Variants in RTTN observed in about 807,000 individuals in gnomAD.
RTTN encodes rotatin.
A neutral mutation model predicts 269.2 loss-of-function variants in RTTN; 182 were observed. The observed-to-expected ratio is 0.68, with a 90% CI of 0.60 to 0.76. RTTN has a LOEUF of 0.76. Among genes scored for constraint, RTTN ranks in the 30% least tolerant of loss-of-function variants. RTTN has a pLI of 0.00. For synonymous variants in RTTN, 1,006 were observed against 963.5 expected, an observed-to-expected ratio of 1.04 and a Z score of -0.82; for missense variants, 2,545 against 2,608.6, an observed-to-expected ratio of 0.98 and a Z score of 0.53.
chr18:70,178,749 A>AT (rs1178578939), intron 10 of RTTN, among the ~76,000 whole-genome samples: 3 of 152,150 alleles, frequency 2.0e-5, no homozygotes, highest in African/African-American at 7.2e-5. Flanking sequence ...TAAAAGTTCA[A>AT]TGAGTAGTAG....
rs114076061 is a variant in RTTN, at chr18:70,167,259, C to G, written c.1690-228G>C. Among the ~76,000 whole-genome samples the G allele has an allele frequency of 6.7e-3, 1,025 of 152,340 alleles. 10 individuals carry two copies. Among genetic ancestry groups the G allele is most frequent in the African/African-American group, 0.023 (951 of 41,574 alleles). On this transcript the variant is annotated intron_variant, in intron 12 of 48. Coordinates refer to ENST00000640769, the MANE Select transcript of RTTN (RefSeq NM_173630.4). ...ACATGAGACTTTCTATTATTTAACT[C>G]TGAGTAAGCTTAAAGTTACAATCAA...
At chr18:70,197,525 G>C (rs535629130) in intron 6 of RTTN, 99 bp downstream of exon 6, 1 of 735,782 alleles carries the variant, frequency 1.4e-6, no homozygotes, top group African/African-American at 1.8e-5. Context: ...AAAAACATGA[G>C]TACAAAGTTC....
At chr18:70,039,054 T>C (rs558516850) in intron 40 of RTTN, among the ~76,000 whole-genome samples, 1 of 151,574 alleles carries the variant, frequency 6.6e-6, no homozygotes, top group South Asian at 2.1e-4. Flanking sequence ...AAAAGAAAAA[T>C]GAGAATAAAG....
At chr18:70,169,883 A>C (rs1174026523) in intron 11 of RTTN, among the ~76,000 whole-genome samples, 1 of 152,232 alleles carries the variant, frequency 6.6e-6, no homozygotes, top group African/African-American at 2.4e-5. Flanking sequence ...TCTTTACAAA[A>C]GTGGGTTTGG....
At chr18:70,020,853 GTT>G (rs758436362) in intron 44 of RTTN, 36 bp from the exon 45 acceptor site, 3 of 1,551,128 alleles carry the variant, frequency 1.9e-6, no homozygotes, top group South Asian at 2.3e-5. Flanking sequence ...TGTCTTCTCA[GTT>G]TCCCTGTTTA....
intron 33 of RTTN, among the ~76,000 whole-genome samples, chr18:70,074,558 T>C (rs945686029): frequency 6.6e-6 from 1 of 152,112 alleles, no homozygotes; most frequent in African/African-American, 2.4e-5. Flanking sequence ...ACATATCCGT[T>C]TATTTATACA....
intron 10 of RTTN, among the ~76,000 whole-genome samples, chr18:70,182,964 C>T (rs2061453143): frequency 1.3e-5 from 2 of 152,132 alleles, no homozygotes; most frequent in Non-Finnish European, 2.9e-5. Context: ...GATAAATGTA[C>T]ATTTAAGCTC....
chr18:70,087,530 C>T (rs1191018882), intron 31 of RTTN, among the ~76,000 whole-genome samples: 6 of 151,474 alleles, frequency 4.0e-5, no homozygotes, highest in Admixed American at 3.3e-4. Flanking sequence ...TTACATGAAT[C>T]ATTACTTTAA....
At chr18:70,127,428 TC>T (rs1358323581) in intron 25 of RTTN, 73 bp downstream of exon 25, 10 of 1,530,550 alleles carry the variant, frequency 6.5e-6, no homozygotes, top group Admixed American at 1.9e-5. Flanking sequence ...ACTCTTATCT[TC>T]AAAGGTTAGG....
intron 28 of RTTN, among the ~76,000 whole-genome samples, chr18:70,102,142 CTG>C (rs2059185726): frequency 1.3e-5 from 2 of 152,296 alleles, no homozygotes; most frequent in Admixed American, 6.5e-5. Flanking sequence ...TGTTAACTTT[CTG>C]TCTCACTGAT....
intron 11 of RTTN, among the ~76,000 whole-genome samples, chr18:70,171,270 C>T (rs760678012): frequency 1.4e-4 from 22 of 152,206 alleles, no homozygotes; most frequent in Non-Finnish European, 2.6e-4. Flanking sequence ...TTAGCAAAGG[C>T]GATTTACACT....
In RTTN at chr18:70,119,982, C is replaced by T. The variant is rs76995919; in HGVS notation, c.3528+1574G>A. 4.0e-3 allele frequency among the ~76,000 whole-genome samples: 603 copies of T among 152,236 alleles called. 6 individuals carry two copies. The highest frequency in any genetic ancestry group is 0.014 in the African/African-American group (567 of 41,544). ...GATAATTACTATGGTTTGAACATTC[C>T]CTCCAAAATTCATGTTGAAATTTAA... On this transcript the variant is annotated intron_variant, in intron 26 of 48. Coordinates refer to ENST00000640769, the MANE Select transcript of RTTN (RefSeq NM_173630.4).
chr18:70,123,124 C>G (rs1005253339), intron 25 of RTTN, among the ~76,000 whole-genome samples: 1 of 152,106 alleles, frequency 6.6e-6, no homozygotes, highest in African/African-American at 2.4e-5. Flanking sequence ...GGTTGTGAGT[C>G]AACTGACCAT....
At chr18:70,172,080 A>C (rs905492381) in intron 11 of RTTN, among the ~76,000 whole-genome samples, 6 of 152,172 alleles carry the variant, frequency 3.9e-5, no homozygotes, top group African/African-American at 7.2e-5. Context: ...CAGGGCTAGT[A>C]CTTTTAGCTC....
intron 25 of RTTN, among the ~76,000 whole-genome samples, chr18:70,126,157 T>A (rs954345671): frequency 1.3e-5 from 2 of 152,118 alleles, no homozygotes; most frequent in African/African-American, 4.8e-5. Flanking sequence ...ATTGGGCAAT[T>A]TGAAATACTC....
chr18:70,106,785 C>A (rs939346407), intron 28 of RTTN, among the ~76,000 whole-genome samples: 2 of 151,600 alleles, frequency 1.3e-5, no homozygotes, highest in African/African-American at 4.8e-5. Context: ...AGAAGTCACC[C>A]ACAGCATGAA....
chr18:70,135,108 G>C, intron 22 of RTTN, 76 bp downstream of exon 22: 1 of 799,580 alleles, frequency 1.3e-6, no homozygotes, highest in African/African-American at 1.8e-5. Flanking sequence ...AAATTTCCAT[G>C]CCTTGCTATA....
chr18:70,128,725 A>G (rs2059928132), intron 23 of RTTN, 179 bp from the exon 24 acceptor site: 1 of 559,412 alleles, frequency 1.8e-6, no homozygotes, highest in Admixed American at 3.1e-5. Context: ...TATTCTTTTC[A>G]TCTCCTCTAA....
At chr18:70,010,672 A>G (rs1202571276) in intron 46 of RTTN, among the ~76,000 whole-genome samples, 1 of 152,224 alleles carries the variant, frequency 6.6e-6, no homozygotes, top group Non-Finnish European at 1.5e-5. Context: ...ATCACAATTA[A>G]AAGAACTAGA....
Sources: gnomAD v4.1 joint callset for allele counts (sites outside exome capture counted in the v4.1 genomes callset) on GRCh38, gnomAD v4.1.1 for gene constraint, MANE v1.5 for transcripts, NCBI Gene and HGNC (gene_info 2026-07-23, HGNC 2026-07-21) for gene names.